Variants in SRPRA observed in about 807,000 individuals in gnomAD.
SRPRA encodes SRP receptor subunit alpha.
A neutral mutation model predicts 61.1 loss-of-function variants in SRPRA; 30 were observed. The ratio of observed to expected loss-of-function variants is 0.49; its 90% CI spans 0.37 to 0.67. SRPRA has a LOEUF of 0.67. Ranked by LOEUF, SRPRA falls within the 30% of genes least tolerant of loss-of-function variation. The pLI, the probability that SRPRA is intolerant of heterozygous loss-of-function variation, is 0.00. For missense variants in SRPRA, 759 were observed against 828.4 expected, an observed-to-expected ratio of 0.92 and a Z score of 1.03; for synonymous variants, 324 against 299.7, an observed-to-expected ratio of 1.08 and a Z score of -0.84.
At chr11:126,258,642 C>G (rs762950786), downstream of SRPRA, among the ~76,000 whole-genome samples, 3 of 152,288 alleles carry the variant, frequency 2.0e-5, no homozygotes, top group Admixed American at 2.0e-4. Context: ...CTGCAGTGTT[C>G]TAGACTCTCC....
chr11:126,268,712 C>A lies in SRPRA; in HGVS notation c.93G>T (p.Ala31=). The A allele has an allele frequency of 3.1e-6, 5 of 1,613,784 alleles. No homozygotes were observed. Among genetic ancestry groups the A allele is most frequent in the Non-Finnish European group, 4.2e-6 (5 of 1,179,974 alleles). Reference sequence around the variant, plus strand: ...CCTGCAGCAGCACGGAACGAATCAACGCGTTAACGGGTCCGGTGCATGAGT... The same window carrying A: ...CCTGCAGCAGCACGGAACGAATCAAAGCGTTAACGGGTCCGGTGCATGAGT... The part of the protein sequence containing the change: ...VSDSCTGPVN[A]LIRSVLLQER... Residue 31 remains alanine (A), a synonymous_variant, in exon 1 of 14, where the codon GCG becomes GCT. Transcript: ENST00000332118.
At chr11:126,257,363 A>G in the SRPRA span, among the ~76,000 whole-genome samples, 4 of 152,250 alleles carry the variant, frequency 2.6e-5, no homozygotes, top group Admixed American at 2.6e-4. Context: ...ACACAATTGT[A>G]CAAAGATGCA....
chr11:126,254,915 C>A, the SRPRA span, among the ~76,000 whole-genome samples: 3 of 152,236 alleles, frequency 2.0e-5, no homozygotes, highest in Non-Finnish European at 4.4e-5. Context: ...TGTAGAATTT[C>A]TCTTAAGGTG....
At chr11:126,249,299 G>A in the SRPRA span, among the ~76,000 whole-genome samples, 3 of 152,166 alleles carry the variant, frequency 2.0e-5, no homozygotes, top group African/African-American at 7.2e-5. Context: ...TTTAAAAAAC[G>A]TATTAAATTG....
chr11:126,236,659 T>A, the SRPRA span, among the ~76,000 whole-genome samples: 32 of 152,330 alleles, frequency 2.1e-4, no homozygotes, highest in East Asian at 5.6e-3. Context: ...TTTGATACTT[T>A]CCATTACAAT....
the SRPRA span, chr11:126,250,818 A>G: frequency 9.3e-7 from 1 of 1,077,198 alleles, no homozygotes; most frequent in Non-Finnish European, 1.3e-6. The surrounding 1 kb of genome is among the most constrained non-coding windows in gnomAD (Gnocchi z 5.1). Context: ...GTATATTGGT[A>G]TTTATGTAGA....
At chr11:126,243,672 G>C in the SRPRA span, among the ~76,000 whole-genome samples, 1 of 152,088 alleles carries the variant, frequency 6.6e-6, no homozygotes, top group Non-Finnish European at 1.5e-5. Flanking sequence ...GGGAAGCCAA[G>C]GTGGGCAGAT....
In SRPRA at chr11:126,264,710, T is replaced by C; in HGVS notation, c.1526-171A>G. The C allele has an allele frequency of 1.2e-6, 1 of 856,524 alleles. No individual in the cohort carries two copies. Among genetic ancestry groups the C allele is most frequent in the Non-Finnish European group, 1.8e-6 (1 of 570,556 alleles). The allele number at this position is 856,524 out of a possible 1,614,324, so 53.1% of individuals were successfully genotyped here. ...TTATATGCTTGGCCATCACCAAACA[T>C]ATTCAGGAAAAGGAGGACAACAGGA... On this transcript the variant is annotated intron_variant, in intron 11 of 13. Transcript: ENST00000332118. The surrounding 1 kb of genome is among the most constrained non-coding windows in gnomAD (Gnocchi z 5.0).
intron 1 of SRPRA, 74 bp downstream of exon 1, chr11:126,268,614 G>T (rs1447255637): frequency 1.5e-6 from 2 of 1,291,518 alleles, no homozygotes; most frequent in African/African-American, 2.9e-5. Context: ...AGGAGGCGCG[G>T]AATAGAGTCG....
rs755762143 is a variant in SRPRA at position 126,267,981 on chromosome 11, C to T, written c.201+22G>A. 10 of 1,610,450 alleles carry T rather than the reference C, an allele frequency of 6.2e-6. No homozygotes were observed. The highest frequency in any genetic ancestry group is 2.2e-5 in the East Asian group (1 of 44,878). On this transcript the variant is annotated intron_variant, in intron 2 of 13. Coordinates refer to ENST00000332118, the MANE Select transcript of SRPRA (RefSeq NM_003139.4). The surrounding 1 kb of genome is among the most constrained non-coding windows in gnomAD (Gnocchi z 4.2). ...AGGGCTATGTTAACAATGCAATCGT[C>T]CCTCTACAACACCCCACTTACCACA...
At chr11:126,261,194 G>A (rs1254929404), downstream of SRPRA, 2 of 484,248 alleles carry the variant, frequency 4.1e-6, no homozygotes, top group Non-Finnish European at 7.4e-6. Flanking sequence ...TTGTCTACAA[G>A]CAATCGTAGT....
chr11:126,239,140 G>A, the SRPRA span, among the ~76,000 whole-genome samples: 1 of 151,432 alleles, frequency 6.6e-6, no homozygotes, highest in African/African-American at 2.4e-5. Flanking sequence ...TTTCTTTTTC[G>A]TTCTTTCTTT....
chr11:126,265,152 C>G lies in SRPRA; in HGVS notation c.1332G>C (p.Glu444Asp). The change falls in exon 11 of 14, where the codon GAG (glutamate) becomes GAC (aspartate). Residue 444 changes from glutamate to aspartate, a missense_variant. Physicochemically the swap from Glu to Asp is conservative, Grantham distance 45. This residue lies in a region of SRPRA where 284 missense variants were observed against 365.9 expected (regional missense o/e 0.78). Coordinates refer to ENST00000332118, the MANE Select transcript of SRPRA (RefSeq NM_003139.4). This position sits in a 1 kb window ranked among gnomAD's most constrained non-coding sequence, Gnocchi z 6.3. The stretch of plus-strand genomic sequence containing the variant: ...CAGCAATGAGGACACTGAAGCCATT[C>G]TCTAACAACCAGAAGGAAATCTGTG... ...NLAKISFWLLENGFSVLIAAC... is the reference protein window; with the variant it reads ...NLAKISFWLLDNGFSVLIAAC... The G allele has an allele frequency of 6.2e-7, 1 of 1,614,174 alleles. No homozygotes were observed. Among genetic ancestry groups the G allele is most frequent in the South Asian group, 1.1e-5 (1 of 91,078 alleles).
rs1156594138 is a variant in SRPRA, at chr11:126,264,832, TCTGA to T, written c.1525+123_1525+126del. 6.4e-6 allele frequency: 6 copies of T among 935,562 alleles called. No homozygotes were observed. The highest frequency in any genetic ancestry group is 2.2e-4 in the Middle Eastern group (1 of 4,616). 58.0% of individuals were successfully genotyped at this position (935,562 alleles called of 1,614,324 possible). A position where few individuals can be genotyped will look rare whatever the true frequency, so the allele number is the denominator to read the frequency against. ...AAAGCAGAGCATGGCAAGTAACTGA[TCTGA>T]CTTTTTACTGTAATTGACCAACGAG... On this transcript the variant is annotated intron_variant, in intron 11 of 13. Coordinates refer to ENST00000332118, the MANE Select transcript of SRPRA (RefSeq NM_003139.4). This position sits in a 1 kb window ranked among gnomAD's most constrained non-coding sequence, Gnocchi z 5.0.
the SRPRA span, chr11:126,241,017 C>A: frequency 6.2e-7 from 1 of 1,607,988 alleles, no homozygotes; most frequent in Non-Finnish European, 8.5e-7. Flanking sequence ...TCCATGTTGC[C>A]CATGACCTTA....
At chr11:126,239,610 C>T in the SRPRA span, among the ~76,000 whole-genome samples, 1 of 152,090 alleles carries the variant, frequency 6.6e-6, no homozygotes, top group South Asian at 2.1e-4. Context: ...CTGGTACATA[C>T]AGGTTTTCCT....
At chr11:126,250,099 T>C in the SRPRA span, among the ~76,000 whole-genome samples, 1 of 151,680 alleles carries the variant, frequency 6.6e-6, no homozygotes, top group African/African-American at 2.4e-5. The surrounding 1 kb of genome is among the most constrained non-coding windows in gnomAD (Gnocchi z 5.1). Context: ...GGGATTTTTT[T>C]TTTTTTTTTT....
At chr11:126,256,980 A>T in the SRPRA span, 1 of 933,800 alleles carries the variant, frequency 1.1e-6, no homozygotes. The surrounding 1 kb of genome is among the most constrained non-coding windows in gnomAD (Gnocchi z 6.6). Flanking sequence ...ATTGTAAAGG[A>T]GGCCACAGTC....
At position 126,263,641 on chromosome 11, in the gene SRPRA, CTGAG is replaced by C. The variant is rs1950748193; in HGVS notation, c.*271_*274del. ...ACCATTGGTCAAAGCTGTAATAAGA[CTGAG>C]TCTGTAGGCAGAGTGAAGGGGGTGC... On this transcript the variant is annotated 3_prime_UTR_variant, in exon 14 of 14. Transcript: ENST00000332118. 1 of 410,082 alleles carries C rather than the reference CTGAG, an allele frequency of 2.4e-6. No homozygotes were observed. The highest frequency in any genetic ancestry group is 2.0e-5 in the African/African-American group (1 of 49,502). 25.4% of individuals were successfully genotyped at this position (410,082 alleles called of 1,614,324 possible). A position where few individuals can be genotyped will look rare whatever the true frequency, so the allele number is the denominator to read the frequency against.
Sources: allele counts gnomAD v4.1 joint callset (sites outside exome capture counted in the v4.1 genomes callset), GRCh38; gene constraint gnomAD v4.1.1; regional missense constraint gnomAD v4.1.1; non-coding constraint Gnocchi (gnomAD v3.1); transcripts MANE v1.5; gene names NCBI Gene and HGNC (gene_info 2026-07-23, HGNC 2026-07-21).